CBR4: variants seen among roughly 807,000 people sequenced by gnomAD.
CBR4 encodes 3-oxoacyl-[acyl-carrier-protein] reductase.
Under a neutral mutation model 21.0 loss-of-function variants are expected in CBR4, and 22 were observed. That is an observed-to-expected ratio of 1.05 (90% confidence interval 0.75 to 1.50). CBR4 has a LOEUF of 1.50. CBR4 is among the 40% of genes most tolerant of loss of function. The pLI is 0.00. For missense variants in CBR4, 302 were observed against 286.3 expected (o/e 1.05, Z -0.40); for synonymous variants, 100 against 104.4 (o/e 0.96, Z 0.26).
At chr4:168,916,855 G>A (rs982050712) in intron 2 of CBR4, among the ~76,000 whole-genome samples, 1 of 151,446 alleles carries the variant, frequency 6.6e-6, no homozygotes, top group Admixed American at 6.6e-5. Context: ...ATTTTTAGTA[G>A]AGATGGGGTT....
In CBR4 at chr4:168,990,307, G is replaced by A. The variant is rs80133417; in HGVS notation, c.557C>T (p.Thr186Met). The A allele has an allele frequency of 5.5e-3, 8,866 of 1,608,936 alleles. 24 individuals are homozygous for A. The highest frequency in any genetic ancestry group is 0.014 in the East Asian group (645 of 44,568). ...VAPGFVHTDM[T>M]KDLKEEHLKK... ...TAAATGTTCTTCTTTCAAGTCTTTC[G>A]TCATATCTGTGTGTACAAATCCTAA... Residue 186 changes from threonine (T) to methionine (M), a missense_variant, in exon 5 of 5, where the codon ACG becomes ATG. By Grantham distance (81) the Thr-to-Met change is moderately conservative. Transcript: ENST00000306193.
At chr4:168,991,046 C>T (rs1199069397) in intron 4 of CBR4, among the ~76,000 whole-genome samples, 3 of 151,946 alleles carry the variant, frequency 2.0e-5, no homozygotes, top group African/African-American at 7.3e-5. Flanking sequence ...AAGAGTGAAA[C>T]TCCATCTCAA....
chr4:168,962,155 T>C (rs963422708), intron 2 of CBR4, among the ~76,000 whole-genome samples: 2 of 152,194 alleles, frequency 1.3e-5, no homozygotes, highest in Non-Finnish European at 2.9e-5. Flanking sequence ...CATTTTACTA[T>C]GTATTTCAAA....
chr4:168,971,460 T>C (rs13134683), intron 2 of CBR4, among the ~76,000 whole-genome samples: 1 of 101,164 alleles, frequency 9.9e-6, no homozygotes, highest in Admixed American at 1.1e-4. Context: ...TTTTTTTTTG[T>C]ATTTTTAGTA....
chr4:168,924,821 G>A (rs777733878), intron 2 of CBR4: 14 of 928,588 alleles, frequency 1.5e-5, no homozygotes, highest in Non-Finnish European at 2.4e-5. Context: ...TACAGAATAA[G>A]TATGACCCTA....
intron 2 of CBR4, among the ~76,000 whole-genome samples, chr4:168,902,036 A>G (rs1208186191): frequency 1.3e-5 from 2 of 152,166 alleles, no homozygotes; most frequent in Non-Finnish European, 1.5e-5. Context: ...CGAGTTTGAA[A>G]AGTTAGAGCA....
chr4:168,921,278 G>C (rs1761435242), intron 2 of CBR4, among the ~76,000 whole-genome samples: 1 of 151,492 alleles, frequency 6.6e-6, no homozygotes, highest in Non-Finnish European at 1.5e-5. Flanking sequence ...ATAGTGGCAG[G>C]CATCTGTAAT....
chr4:168,966,024 T>G (rs1415554869), intron 2 of CBR4, among the ~76,000 whole-genome samples: 1 of 152,024 alleles, frequency 6.6e-6, no homozygotes, highest in Non-Finnish European at 1.5e-5. Flanking sequence ...ATCCAGAATC[T>G]ACAAAGAACT....
chr4:168,966,464 T>C (rs1256436742), intron 2 of CBR4, among the ~76,000 whole-genome samples: 1 of 150,584 alleles, frequency 6.6e-6, no homozygotes, highest in Non-Finnish European at 1.5e-5. Flanking sequence ...GAGGTGGAGC[T>C]TGCAGTGAGC....
At position 168,988,078 on chromosome 4, in the gene CBR4, A is replaced by AT; in HGVS notation, c.*2071dup. The AT allele has an allele frequency of 1.0e-6, 1 of 985,384 alleles. No individual in the cohort carries two copies. Among genetic ancestry groups the AT allele is most frequent in the Non-Finnish European group, 1.2e-6 (1 of 829,854 alleles). The allele number at this position is 985,384 out of a possible 1,614,324, so 61.0% of individuals were successfully genotyped here. A position where few individuals can be genotyped will look rare whatever the true frequency, so the allele number is the denominator to read the frequency against. ...CAGAATAGCAGATTTTAAAAAATGA[A>AT]TTCACTGAGGTTCTTAAACCTCTGA... On this transcript the variant is annotated 3_prime_UTR_variant, in exon 5 of 5. Coordinates refer to ENST00000306193, the MANE Select transcript of CBR4 (RefSeq NM_032783.5).
At chr4:169,000,304 T>C (rs752305349) in intron 4 of CBR4, among the ~76,000 whole-genome samples, 3 of 151,282 alleles carry the variant, frequency 2.0e-5, no homozygotes, top group Non-Finnish European at 4.4e-5. Flanking sequence ...TCCCAGCAAA[T>C]AGATGTATCT....
intron 2 of CBR4, chr4:168,927,403 G>A (rs1762699017): frequency 4.3e-6 from 1 of 232,808 alleles, no homozygotes; most frequent in East Asian, 6.0e-5. Context: ...ACATGCTGTG[G>A]AGCACACATG....
chr4:168,898,314 C>A, intron 2 of CBR4: 1 of 640,040 alleles, frequency 1.6e-6, no homozygotes, highest in Non-Finnish European at 2.8e-6. Flanking sequence ...TGAAATACCA[C>A]ATAAACTCAC....
intron 2 of CBR4, chr4:168,925,412 A>G: frequency 1.3e-6 from 1 of 746,722 alleles, no homozygotes; most frequent in Non-Finnish European, 2.4e-6. Flanking sequence ...CATGTTTTTC[A>G]CATGTTCTTG....
At position 168,924,361 on chromosome 4, in the gene CBR4, A is replaced by G; in HGVS notation, n.170-29596T>C. On this transcript the variant is annotated intron_variant and non_coding_transcript_variant, in intron 2 of 3. Transcript: ENST00000509108. ...AATGTCGTGTATTGGGAGTGCCACC[A>G]CCTCAGATATTTTGGAAGAAAGAAA... 1 of 1,613,896 alleles carries G rather than the reference A, an allele frequency of 6.2e-7. No homozygotes were observed. The highest frequency in any genetic ancestry group is 1.1e-5 in the South Asian group (1 of 91,068).
At chr4:169,002,026 AAAC>A (rs1730490449) in intron 4 of CBR4, 42 bp downstream of exon 4, 1 of 1,461,576 alleles carries the variant, frequency 6.8e-7, no homozygotes, top group Non-Finnish European at 9.2e-7. Flanking sequence ...CTTCCCTATA[AAAC>A]AATAATCATA....
At position 169,010,202 on chromosome 4, in the gene CBR4, CAAACCGCAAAAAA is replaced by C; in HGVS notation, c.-126_-114del. 2.1e-6 allele frequency: 2 copies of C among 940,260 alleles called. No homozygotes were observed. The highest frequency in any genetic ancestry group is 3.0e-6 in the Non-Finnish European group (2 of 661,504). The allele number at this position is 940,260 out of a possible 1,614,324, so 58.2% of individuals were successfully genotyped here. A position where few individuals can be genotyped will look rare whatever the true frequency, so the allele number is the denominator to read the frequency against. On this transcript the variant is annotated 5_prime_UTR_variant, in exon 1 of 5. Transcript: ENST00000306193. ...AAAAAAAAAAAAAGAAAAAAAAAGG[CAAACCGCAAAAAA>C]AAATAACGCCGCTCGACACCTCCTG...
At chr4:168,957,424 C>G (rs1394575267) in intron 2 of CBR4, among the ~76,000 whole-genome samples, 2 of 151,960 alleles carry the variant, frequency 1.3e-5, no homozygotes, top group Non-Finnish European at 2.9e-5. Flanking sequence ...AGGTTGTTTC[C>G]TCAACCAAAA....
intron 4 of CBR4, among the ~76,000 whole-genome samples, chr4:168,996,151 T>C (rs1292139639): frequency 3.9e-5 from 6 of 152,212 alleles, no homozygotes; most frequent in Non-Finnish European, 5.9e-5. Context: ...GGACAGCTGC[T>C]AGCCATCACT....
Sources: gnomAD v4.1 joint callset for allele counts (sites outside exome capture counted in the v4.1 genomes callset) on GRCh38, gnomAD v4.1.1 for gene constraint, MANE v1.5 for transcripts, NCBI Gene and HGNC (gene_info 2026-07-23, HGNC 2026-07-21) for gene names.